Variants in PHKB observed in about 807,000 individuals in gnomAD.
PHKB encodes the protein phosphorylase kinase regulatory subunit beta, also known as phosphorylase b kinase regulatory subunit beta.
A neutral mutation model predicts 152.1 loss-of-function variants in PHKB; 122 were observed. That is an observed-to-expected ratio of 0.80 (90% CI 0.69 to 0.93). The LOEUF is 0.93. PHKB is among the 40% of genes least tolerant of loss of function. The probability of loss-of-function intolerance (pLI) is 0.00; values close to 1 mark genes in which losing one functional copy is unlikely to be tolerated. For missense variants in PHKB, 1,304 were observed against 1,328.4 expected, an observed-to-expected ratio of 0.98 and a Z score of 0.29; for synonymous variants, 436 against 464.9, an observed-to-expected ratio of 0.94 and a Z score of 0.80.
chr16:47,565,517 G>A, intron 7 of PHKB: 2 of 1,287,394 alleles, frequency 1.6e-6, no homozygotes, highest in Non-Finnish European at 2.3e-6. Flanking sequence ...GGCTGATCAG[G>A]TTTGGGAGTT....
At chr16:47,525,955 C>T (rs1047179054) in intron 6 of PHKB, among the ~76,000 whole-genome samples, 7 of 152,108 alleles carry the variant, frequency 4.6e-5, no homozygotes, top group Non-Finnish European at 7.3e-5. Flanking sequence ...CTCCTGTATA[C>T]GGGTTTTCTC....
intron 1 of PHKB, among the ~76,000 whole-genome samples, chr16:47,469,201 T>C (rs1023978665): frequency 6.6e-6 from 1 of 152,170 alleles, no homozygotes; most frequent in Non-Finnish European, 1.5e-5. Context: ...TCATATAATA[T>C]CTATCACACT....
chr16:47,509,603 G>A (rs1162151554), intron 4 of PHKB, among the ~76,000 whole-genome samples: 1 of 152,132 alleles, frequency 6.6e-6, no homozygotes, highest in Non-Finnish European at 1.5e-5. Flanking sequence ...CATTGTGACT[G>A]AAGAGCTTAA....
intron 1 of PHKB, chr16:47,462,490 T>A (rs944807713): frequency 6.6e-6 from 1 of 152,040 alleles, no homozygotes; most frequent in Non-Finnish European, 1.5e-5. Flanking sequence ...AAAAATTACC[T>A]GGGCGTGGTG....
chr16:47,678,681 G>C lies in PHKB; in HGVS notation c.2630+9264G>C, dbSNP rs544322960. On this transcript the variant is annotated intron_variant, in intron 26 of 30. Coordinates refer to ENST00000323584, the MANE Select transcript of PHKB (RefSeq NM_000293.3). ...GATTCTGGATATTAGCCCTTTGTCA[G>C]ATGAGTAGGTTGCAAAAATTTTCTC... 3.7e-3 allele frequency among the ~76,000 whole-genome samples: 556 copies of C among 151,974 alleles called. 4 individuals are homozygous for C. The highest frequency in any genetic ancestry group is 5.8e-3 in the Non-Finnish European group (396 of 67,864).
Position 47,515,505 on chromosome 16 carries a change from T to A in PHKB, c.514-16T>A, listed in dbSNP as rs375825926. The A allele has an allele frequency of 5.9e-6, 7 of 1,196,238 alleles. No homozygotes were observed. In the South Asian group the frequency reaches 7.2e-5, roughly 12 times the overall value. The allele number at this position is 1,196,238 out of a possible 1,614,324, so 74.1% of individuals were successfully genotyped here. A position where few individuals can be genotyped will look rare whatever the true frequency, so the allele number is the denominator to read the frequency against. On this transcript the variant is annotated splice_polypyrimidine_tract_variant and intron_variant, in intron 5 of 30. Coordinates refer to ENST00000323584, the MANE Select transcript of PHKB (RefSeq NM_000293.3). ...GGTTGTTTCCTTTAACCTTTTAATG[T>A]TTCTGTTTGTTGCAGATAAATGCAG...
At chr16:47,498,973 ATT>A (rs1330530763) in intron 2 of PHKB, among the ~76,000 whole-genome samples, 2 of 152,220 alleles carry the variant, frequency 1.3e-5, no homozygotes, top group East Asian at 3.9e-4. Context: ...TTACCCATCC[ATT>A]TATAGTTAGA....
At chr16:47,576,597 A>G (rs1971753592) in intron 7 of PHKB, among the ~76,000 whole-genome samples, 1 of 152,182 alleles carries the variant, frequency 6.6e-6, no homozygotes, top group Admixed American at 6.5e-5. Context: ...GGTTTTGTCT[A>G]TTCTTTCAGT....
intron 8 of PHKB, among the ~76,000 whole-genome samples, chr16:47,584,415 T>C (rs1971901818): frequency 1.3e-5 from 2 of 152,240 alleles, no homozygotes; most frequent in Non-Finnish European, 1.5e-5. Context: ...GGTTTGAGTC[T>C]CAGCTCTGCT....
chr16:47,611,597 A>G (rs1195051861), intron 14 of PHKB, among the ~76,000 whole-genome samples: 1 of 152,146 alleles, frequency 6.6e-6, no homozygotes, highest in African/African-American at 2.4e-5. Context: ...ATTGGTATCA[A>G]CGCTTACAGA....
At chr16:47,681,410 T>C (rs1355730373) in intron 26 of PHKB, among the ~76,000 whole-genome samples, 1 of 148,584 alleles carries the variant, frequency 6.7e-6, no homozygotes, top group Non-Finnish European at 1.5e-5. Context: ...AGTCTAAGTC[T>C]CTTTGTAGGT....
At chr16:47,596,091 G>A (rs537087782) in intron 12 of PHKB, among the ~76,000 whole-genome samples, 18 of 152,150 alleles carry the variant, frequency 1.2e-4, no homozygotes, top group East Asian at 3.9e-4. Flanking sequence ...CATGGGGGGC[G>A]GTTTCCCCCA....
At chr16:47,606,214 A>G (rs1420105140) in intron 13 of PHKB, among the ~76,000 whole-genome samples, 1 of 152,140 alleles carries the variant, frequency 6.6e-6, no homozygotes, top group Non-Finnish European at 1.5e-5. Context: ...TCCTTTGGTG[A>G]TTTTGTCTCA....
intron 7 of PHKB, among the ~76,000 whole-genome samples, chr16:47,572,663 A>ATT (rs2151688547): frequency 6.6e-6 from 1 of 152,278 alleles, no homozygotes; most frequent in South Asian, 2.1e-4. Flanking sequence ...ACCAACTCTG[A>ATT]TGGTGGCAGT....
intron 16 of PHKB, among the ~76,000 whole-genome samples, chr16:47,644,552 G>A (rs1477725629): frequency 1.3e-5 from 2 of 152,182 alleles, no homozygotes; most frequent in Non-Finnish European, 2.9e-5. Flanking sequence ...GTTGTTATTT[G>A]AAATCGGTCC....
Position 47,551,599 on chromosome 16 carries a change from T to G in PHKB, c.710+4051T>G, listed in dbSNP as rs139596579. Among the ~76,000 whole-genome samples the G allele has an allele frequency of 5.9e-5, 9 of 152,330 alleles. No individual in the cohort carries two copies. In the East Asian group the frequency reaches 1.7e-3, roughly 29 times the overall value. On this transcript the variant is annotated intron_variant, in intron 7 of 30. Transcript: ENST00000323584. ...AGAGACAGTTTGTTATGATTGCCATTCTTTTGCATTTGCTGAGGAGTATTT... is the reference window on the plus strand; with the variant it reads ...AGAGACAGTTTGTTATGATTGCCATGCTTTTGCATTTGCTGAGGAGTATTT...
chr16:47,586,822 T>C (rs1298439482), intron 8 of PHKB, among the ~76,000 whole-genome samples: 1 of 152,226 alleles, frequency 6.6e-6, no homozygotes, highest in Non-Finnish European at 1.5e-5. Flanking sequence ...AGCTGTTGAA[T>C]ATGGAATGCA....
At chr16:47,542,248 A>T (rs531757193) in intron 6 of PHKB, among the ~76,000 whole-genome samples, 1 of 152,216 alleles carries the variant, frequency 6.6e-6, no homozygotes, top group African/African-American at 2.4e-5. Context: ...TAGTACCATT[A>T]AATAGGGAAT....
chr16:47,522,982 A>G (rs1170047164), intron 6 of PHKB, among the ~76,000 whole-genome samples: 1 of 78,350 alleles, frequency 1.3e-5, no homozygotes, highest in Non-Finnish European at 2.6e-5. Context: ...TTTTTTTTTT[A>G]GTAATTTCTG....
Sources: gnomAD v4.1 joint callset for allele counts (sites outside exome capture counted in the v4.1 genomes callset) on GRCh38, gnomAD v4.1.1 for gene constraint, MANE v1.5 for transcripts, NCBI Gene and HGNC (gene_info 2026-07-23, HGNC 2026-07-21) for gene names.